The following MECOM variants were observed in gnomAD, a reference collection of about 807,000 sequenced individuals.
MECOM encodes the protein histone-lysine N-methyltransferase MECOM.
A neutral mutation model predicts 116.3 loss-of-function variants in MECOM; 13 were observed. The ratio of observed to expected loss-of-function variants is 0.11; its 90% CI spans 0.07 to 0.18. The LOEUF (loss-of-function observed/expected upper bound fraction) is 0.18. MECOM is among the 10% of genes least tolerant of loss of function. The pLI is 1.00. For synonymous variants in MECOM, 528 were observed against 535.2 expected, an observed-to-expected ratio of 0.99 and a Z score of 0.19; for missense variants, 1,299 against 1,509.0, an observed-to-expected ratio of 0.86 and a Z score of 2.31.
chr3:169,655,821 T>G (rs1461885396), intron 1 of MECOM, among the ~76,000 whole-genome samples: 1 of 152,202 alleles, frequency 6.6e-6, no homozygotes, highest in African/African-American at 2.4e-5. Context: ...AAAATTTAAC[T>G]GATAAATTAT....
chr3:169,548,332 C>T (rs901366429), intron 1 of MECOM, among the ~76,000 whole-genome samples: 3 of 152,218 alleles, frequency 2.0e-5, no homozygotes, highest in African/African-American at 7.2e-5. Flanking sequence ...CAAGTAGACA[C>T]AGCCAGATGG....
At chr3:169,350,553 A>G (rs943927250) in intron 2 of MECOM, among the ~76,000 whole-genome samples, 2 of 152,030 alleles carry the variant, frequency 1.3e-5, no homozygotes, top group African/African-American at 4.8e-5. Context: ...ATGAGGTGTT[A>G]TAAGTGTGAA....
chr3:169,589,577 T>G (rs1766161744), intron 1 of MECOM, among the ~76,000 whole-genome samples: 1 of 152,036 alleles, frequency 6.6e-6, no homozygotes, highest in Admixed American at 6.6e-5. Flanking sequence ...CCCTCAGCTC[T>G]GGCATTTTAT....
intron 2 of MECOM, among the ~76,000 whole-genome samples, chr3:169,270,136 C>T (rs1758757573): frequency 6.6e-6 from 1 of 152,082 alleles, no homozygotes; most frequent in East Asian, 1.9e-4. Context: ...ACTCACTGAT[C>T]CCGGTAAGAA....
chr3:169,461,771 C>A (rs1747486119), intron 1 of MECOM, among the ~76,000 whole-genome samples: 1 of 152,122 alleles, frequency 6.6e-6, no homozygotes, highest in Admixed American at 6.6e-5. Flanking sequence ...TAAAGTAGTT[C>A]TTTAACCTTT....
chr3:169,519,001 A>G (rs919962061), intron 1 of MECOM, among the ~76,000 whole-genome samples: 1 of 152,182 alleles, frequency 6.6e-6, no homozygotes, highest in African/African-American at 2.4e-5. Flanking sequence ...GCCCAGTCTC[A>G]GATATGTCTT....
rs1363382800 is a variant in MECOM at position 169,339,196 on chromosome 3, G to T, written c.375+41991C>A. Among the ~76,000 whole-genome samples, 3 of 152,238 alleles carry T rather than the reference G, an allele frequency of 2.0e-5. No homozygotes were observed. In the South Asian group the frequency reaches 6.2e-4, roughly 32 times the overall value. ...TATCTGTCTTATAACTTACCACCTT[G>T]CCAGCATTACATAAGGGCTTCAAGT... On this transcript the variant is annotated intron_variant, in intron 2 of 16. Transcript: ENST00000651503.
chr3:169,133,985 G>C, intron 3 of MECOM: 1 of 1,287,718 alleles, frequency 7.8e-7, no homozygotes, highest in Non-Finnish European at 1.0e-6. Flanking sequence ...TTTGAATTGT[G>C]ACATATTAGA....
intron 2 of MECOM, among the ~76,000 whole-genome samples, chr3:169,234,646 C>T (rs1753811852): frequency 6.6e-6 from 1 of 152,058 alleles, no homozygotes; most frequent in Admixed American, 6.6e-5. Flanking sequence ...CATTTATTTG[C>T]TATTGTGTAA....
chr3:169,577,160 T>C (rs187238594), intron 1 of MECOM, among the ~76,000 whole-genome samples: 4 of 152,294 alleles, frequency 2.6e-5, no homozygotes, highest in Admixed American at 2.6e-4. Flanking sequence ...ATGAGGAAAA[T>C]AATAGTAACT....
intron 1 of MECOM, among the ~76,000 whole-genome samples, chr3:169,461,372 G>A (rs972308670): frequency 6.6e-6 from 1 of 152,136 alleles, no homozygotes; most frequent in Non-Finnish European, 1.5e-5. Context: ...CAAACACCAG[G>A]CTAGTGTTAT....
chr3:169,523,017 C>T (rs1757534216), intron 1 of MECOM, among the ~76,000 whole-genome samples: 1 of 152,162 alleles, frequency 6.6e-6, no homozygotes, highest in Admixed American at 6.5e-5. Context: ...AGTATGACAT[C>T]ATGTTATAGA....
chr3:169,240,509 G>T (rs1018087136), intron 2 of MECOM, among the ~76,000 whole-genome samples: 2 of 152,186 alleles, frequency 1.3e-5, no homozygotes, highest in African/African-American at 4.8e-5. Context: ...GTCAATTAAG[G>T]ATGAAGAATG....
At chr3:169,233,633 A>G (rs1344935517) in intron 2 of MECOM, among the ~76,000 whole-genome samples, 1 of 151,988 alleles carries the variant, frequency 6.6e-6, no homozygotes, top group African/African-American at 2.4e-5. Flanking sequence ...TCTAAAGCTC[A>G]CTCGACTGTC....
intron 1 of MECOM, among the ~76,000 whole-genome samples, chr3:169,393,632 A>C (rs1734566045): frequency 6.6e-6 from 1 of 152,140 alleles, no homozygotes; most frequent in South Asian, 2.1e-4. Context: ...ACTCTTACTT[A>C]GATCCAGGTG....
At chr3:169,093,433 C>A (rs915659943) in intron 13 of MECOM, among the ~76,000 whole-genome samples, 1 of 152,128 alleles carries the variant, frequency 6.6e-6, no homozygotes, top group South Asian at 2.1e-4. Context: ...AAATTATGAA[C>A]AAGTTTTAAA....
intron 1 of MECOM, among the ~76,000 whole-genome samples, chr3:169,576,838 C>CACACAGAGAG (rs368016499): frequency 3.1e-4 from 39 of 125,108 alleles, no homozygotes; most frequent in Admixed American, 4.1e-4. Flanking sequence ...CACACACACA[C>CACACAGAGAG]AGAGAGAGAG....
intron 2 of MECOM, among the ~76,000 whole-genome samples, chr3:169,185,652 C>T (rs1050013273): frequency 1.3e-5 from 2 of 152,112 alleles, no homozygotes; most frequent in Non-Finnish European, 2.9e-5. Flanking sequence ...TAACCTCTTT[C>T]GCCTCTAAAC....
intron 2 of MECOM, among the ~76,000 whole-genome samples, chr3:169,282,084 T>C (rs1712181190): frequency 6.6e-6 from 1 of 152,182 alleles, no homozygotes; most frequent in South Asian, 2.1e-4. Context: ...ACCATTACCA[T>C]ATTTTTTTCT....
Sources: gnomAD v4.1 joint callset for allele counts (sites outside exome capture counted in the v4.1 genomes callset) on GRCh38, gnomAD v4.1.1 for gene constraint, MANE v1.5 for transcripts, NCBI Gene and HGNC (gene_info 2026-07-23, HGNC 2026-07-21) for gene names.